The following ADAMTS3 variants were observed in gnomAD, a reference collection of about 807,000 sequenced individuals.
The protein encoded by ADAMTS3 is A disintegrin and metalloproteinase with thrombospondin motifs 3.
A neutral mutation model predicts 129.0 loss-of-function variants in ADAMTS3; 73 were observed. The observed-to-expected ratio is 0.57, with a 90% CI of 0.47 to 0.69. The LOEUF (loss-of-function observed/expected upper bound fraction) is 0.69. Ranked by LOEUF, ADAMTS3 falls within the 30% of genes least tolerant of loss-of-function variation. The pLI is 0.00. For synonymous variants in ADAMTS3, 477 were observed against 510.8 expected, an observed-to-expected ratio of 0.93 and a Z score of 0.89; for missense variants, 1,457 against 1,514.5, an observed-to-expected ratio of 0.96 and a Z score of 0.63.
chr4:72,424,565 T>C (rs1162466876), intron 3 of ADAMTS3, among the ~76,000 whole-genome samples: 1 of 152,076 alleles, frequency 6.6e-6, no homozygotes, highest in Non-Finnish European at 1.5e-5. Context: ...ACTAAAATGC[T>C]AAAACGCCTG....
intron 3 of ADAMTS3, among the ~76,000 whole-genome samples, chr4:72,531,156 A>ATAT (rs1000887968): frequency 1.7e-4 from 26 of 152,006 alleles, no homozygotes; most frequent in African/African-American, 6.0e-4. Flanking sequence ...AACATTGGAG[A>ATAT]TATAATAAGT....
At chr4:72,525,924 C>A (rs1720793829) in intron 3 of ADAMTS3, among the ~76,000 whole-genome samples, 1 of 152,100 alleles carries the variant, frequency 6.6e-6, no homozygotes, top group Non-Finnish European at 1.5e-5. Context: ...TCCCCATGTA[C>A]CTGTGAATAG....
intron 3 of ADAMTS3, among the ~76,000 whole-genome samples, chr4:72,425,522 C>T (rs1722549246): frequency 6.6e-6 from 1 of 152,048 alleles, no homozygotes; most frequent in Non-Finnish European, 1.5e-5. Flanking sequence ...GTGTGATGTT[C>T]CCCTTCCTGT....
intron 3 of ADAMTS3, among the ~76,000 whole-genome samples, chr4:72,466,366 A>G (rs1481377375): frequency 6.6e-6 from 1 of 152,032 alleles, no homozygotes; most frequent in Non-Finnish European, 1.5e-5. Flanking sequence ...GGCAAGAAAG[A>G]CCACTGGATA....
rs1719612781 is a variant in ADAMTS3 at position 72,323,277 on chromosome 4, T to A, written c.862-180A>T. ...TTAGCTTTGGTACAATGTGTGGATA[T>A]GTAAATTGCTAATTTTGTAAACTCC... is the stretch of plus-strand genomic sequence containing the variant. On this transcript the variant is annotated intron_variant, in intron 5 of 21. Transcript: ENST00000286657. The A allele has an allele frequency of 2.8e-5, 16 of 581,586 alleles. No homozygotes were observed. The South Asian group carries it at 2.9e-4, about 10-fold the overall frequency. The allele number at this position is 581,586 out of a possible 1,614,324, so 36.0% of individuals were successfully genotyped here. A position where few individuals can be genotyped will look rare whatever the true frequency, so the allele number is the denominator to read the frequency against.
chr4:72,537,861 A>C (rs1721221289), intron 3 of ADAMTS3, among the ~76,000 whole-genome samples: 1 of 152,350 alleles, frequency 6.6e-6, no homozygotes, highest in Non-Finnish European at 1.5e-5. Context: ...AGTGTCTTAA[A>C]GATGTTTAAA....
At chr4:72,455,836 G>GTATATATATTTTATATATAGTA in intron 3 of ADAMTS3, among the ~76,000 whole-genome samples, 1 of 113,718 alleles carries the variant, frequency 8.8e-6, no homozygotes, top group South Asian at 2.6e-4. Context: ...TATATACAGT[G>GTATATATATTTTATATATAGTA]TATATACTAT....
Position 72,568,716 on chromosome 4 carries a change from A to C in ADAMTS3, c.47T>G (p.Val16Gly). The C allele has an allele frequency of 6.2e-7, 1 of 1,613,710 alleles. No homozygotes were observed. Among genetic ancestry groups the C allele is most frequent in the Non-Finnish European group, 8.5e-7 (1 of 1,179,914 alleles). The stretch of plus-strand genomic sequence containing the variant: ...TACTTGTCCATCAGCTGAAGTCCTA[A>C]CCTCTACCAGAGCGGCTGCTATCAA... ...LWLIAAALVE[V>G]RTSADGQAGN... is the part of the protein sequence containing the mutation. The change falls in exon 1 of 22, where the codon GTT becomes GGT. Residue 16 changes from valine (V) to glycine (G), a missense_variant. Val to Gly is a moderately radical substitution (Grantham distance 109). Coordinates refer to ENST00000286657, the MANE Select transcript of ADAMTS3 (RefSeq NM_014243.3).
chr4:72,373,884 C>T (rs911957288), intron 4 of ADAMTS3, among the ~76,000 whole-genome samples: 2 of 148,790 alleles, frequency 1.3e-5, no homozygotes, highest in African/African-American at 5.0e-5. Context: ...TCTGTGTCAG[C>T]AAGACCCCAT....
intron 3 of ADAMTS3, among the ~76,000 whole-genome samples, chr4:72,470,143 A>T (rs1719026892): frequency 6.6e-6 from 1 of 151,980 alleles, no homozygotes; most frequent in Non-Finnish European, 1.5e-5. Context: ...AGAATGCTCA[A>T]TACTGTTTTA....
intron 3 of ADAMTS3, among the ~76,000 whole-genome samples, chr4:72,433,905 A>G (rs1216280238): frequency 6.6e-6 from 1 of 151,908 alleles, no homozygotes; most frequent in African/African-American, 2.4e-5. Flanking sequence ...AACTTTCAAC[A>G]ACAAAGTATA....
chr4:72,360,424 T>C (rs952827359), intron 4 of ADAMTS3, among the ~76,000 whole-genome samples: 4 of 152,104 alleles, frequency 2.6e-5, no homozygotes, highest in African/African-American at 9.7e-5. Context: ...GTTCTCCTAA[T>C]TTTCTGACTG....
chr4:72,409,196 T>C (rs918877138), intron 4 of ADAMTS3, among the ~76,000 whole-genome samples: 3 of 152,208 alleles, frequency 2.0e-5, no homozygotes, highest in Non-Finnish European at 2.9e-5. Context: ...GCAGTTGACA[T>C]GCGAGAAAGC....
chr4:72,350,470 G>A (rs536026762), intron 4 of ADAMTS3, among the ~76,000 whole-genome samples: 25 of 152,082 alleles, frequency 1.6e-4, no homozygotes, highest in South Asian at 2.1e-4. Flanking sequence ...GCTTCTCTGC[G>A]TAGTCAGTAA....
chr4:72,339,380 T>A lies in ADAMTS3; in HGVS notation c.861+114A>T, dbSNP rs758110764. The A allele has an allele frequency of 1.5e-5, 13 of 867,680 alleles. No homozygotes were observed. In the African/African-American group the frequency reaches 1.7e-4, roughly 11 times the overall value. The allele number at this position is 867,680 out of a possible 1,614,324, so 53.7% of individuals were successfully genotyped here. A position where few individuals can be genotyped will look rare whatever the true frequency, so the allele number is the denominator to read the frequency against. ...CAATAATTTAAATTTAATGCCATCA[T>A]GCACATATTTTGGCACAGTCATGGA... is the stretch of plus-strand genomic sequence containing the variant. On this transcript the variant is annotated intron_variant, in intron 5 of 21. Coordinates refer to ENST00000286657, the MANE Select transcript of ADAMTS3 (RefSeq NM_014243.3).
chr4:72,385,451 A>T (rs527361511), intron 4 of ADAMTS3, among the ~76,000 whole-genome samples: 1 of 152,092 alleles, frequency 6.6e-6, no homozygotes, highest in Non-Finnish European at 1.5e-5. Context: ...TAGGACAAAC[A>T]GACAGTAAAC....
At chr4:72,298,217 A>C in intron 18 of ADAMTS3, 60 bp downstream of exon 18, 1 of 1,435,102 alleles carries the variant, frequency 7.0e-7, no homozygotes, top group Non-Finnish European at 9.5e-7. Flanking sequence ...ATAAAGGTAG[A>C]AGCAAGATTG....
intron 2 of ADAMTS3, among the ~76,000 whole-genome samples, chr4:72,549,415 A>G (rs1387025886): frequency 3.3e-5 from 5 of 152,138 alleles, no homozygotes; most frequent in African/African-American, 7.2e-5. Flanking sequence ...TTTTTCCACC[A>G]TAACAACCCT....
At position 72,283,285 on chromosome 4, in the gene ADAMTS3, G is replaced by A. The variant is rs751135818; in HGVS notation, c.3469C>T (p.His1157Tyr). The stretch of plus-strand genomic sequence containing the variant: ...GCCATTTGTGAAGCTGAACTGAGGT[G>A]GACCCTCTTGGTGGGTGGGGAGGAT... ...VPSSPPTKRV[H>Y]LSSASQMAAA... The change falls in exon 22 of 22, where the codon CAC becomes TAC. Residue 1157 changes from histidine to tyrosine, a missense_variant. Transcript: ENST00000286657. 36 of 1,613,956 alleles carry A rather than the reference G, an allele frequency of 2.2e-5. No homozygotes were observed. Among genetic ancestry groups the A allele is most frequent in the Non-Finnish European group, 2.9e-5 (34 of 1,179,972 alleles).
Sources: gnomAD v4.1 joint callset for allele counts (sites outside exome capture counted in the v4.1 genomes callset) on GRCh38, gnomAD v4.1.1 for gene constraint, MANE v1.5 for transcripts, NCBI Gene and HGNC (gene_info 2026-07-23, HGNC 2026-07-21) for gene names.